The following ANPEP variants were observed in gnomAD, a reference collection of about 807,000 sequenced individuals.
ANPEP encodes alanyl aminopeptidase, membrane, also known as aminopeptidase N.
Under a neutral mutation model 114.6 loss-of-function variants are expected in ANPEP, and 70 were observed. That is an observed-to-expected ratio of 0.61 (90% CI 0.50 to 0.75). ANPEP has a LOEUF of 0.75. Ranked by LOEUF, ANPEP falls within the 30% of genes least tolerant of loss-of-function variation. The probability of loss-of-function intolerance (pLI) is 0.00; values close to 1 mark genes in which losing one functional copy is unlikely to be tolerated. For missense variants in ANPEP, 1,184 were observed against 1,259.5 expected (o/e 0.94, Z 0.91); for synonymous variants, 548 against 522.3 (o/e 1.05, Z -0.67).
intron 12 of ANPEP, among the ~76,000 whole-genome samples, 173 bp downstream of exon 12, chr15:89,800,938 G>A (rs547179651): frequency 3.3e-5 from 5 of 152,288 alleles, no homozygotes; most frequent in Admixed American, 6.5e-5. Context: ...AGACCAGAGC[G>A]GGATGGTAAC....
Position 89,785,202 on chromosome 15 carries a change from G to T in ANPEP, c.*147C>A. On this transcript the variant is annotated 3_prime_UTR_variant, in exon 21 of 21. Coordinates refer to ENST00000300060, the MANE Select transcript of ANPEP (RefSeq NM_001150.3). ...TCATCAGGAACTAGACTGGCTCACAGGCAGAGAGAACGTGGGCTGGAGACT... is the reference window on the plus strand; with the variant it reads ...TCATCAGGAACTAGACTGGCTCACATGCAGAGAGAACGTGGGCTGGAGACT... The T allele has an allele frequency of 9.1e-7, 1 of 1,094,550 alleles. No individual in the cohort carries two copies. Among genetic ancestry groups the T allele is most frequent in the Non-Finnish European group, 1.3e-6 (1 of 760,344 alleles). 67.8% of individuals were successfully genotyped at this position (1,094,550 alleles called of 1,614,324 possible).
intron 11 of ANPEP, 66 bp downstream of exon 11, chr15:89,801,369 T>C (rs1391154805): frequency 3.8e-6 from 6 of 1,585,474 alleles, no homozygotes; most frequent in East Asian, 4.5e-5. Context: ...AGTCCTACTA[T>C]GGTCCCTTAG....
intron 6 of ANPEP, 123 bp from the exon 7 acceptor site, chr15:89,804,125 C>T: frequency 7.1e-6 from 11 of 1,546,506 alleles, no homozygotes; most frequent in Non-Finnish European, 9.7e-6. Context: ...CCATCGTGAC[C>T]CCTTCCTGCT....
chr15:89,789,279 A>G (rs55754818), intron 20 of ANPEP, among the ~76,000 whole-genome samples: 34,300 of 151,826 alleles, frequency 0.23, 4,774 homozygotes, highest in African/African-American at 0.39. Flanking sequence ...CACGCCCAGC[A>G]AATTATATCT....
chr15:89,811,663 A>G (rs1364903287), intron 1 of ANPEP, among the ~76,000 whole-genome samples: 2 of 151,720 alleles, frequency 1.3e-5, no homozygotes, highest in African/African-American at 2.4e-5. Context: ...AAAAAAAAAA[A>G]AAAGAAAAAA....
In ANPEP at chr15:89,803,493, G is replaced by C; in HGVS notation, c.1452C>G (p.Leu484=). 1.2e-6 allele frequency: 2 copies of C among 1,607,504 alleles called. No homozygotes were observed. Among genetic ancestry groups the C allele is most frequent in the South Asian group, 2.2e-5 (2 of 90,496 alleles). ...AISYSKGASV[L]RMLSSFLSED... Reference sequence around the variant, plus strand: ...CGGACAGGAAGCTGGAGAGCATCCTGAGGACTGAGGCGCCCTGGGGTGGGG... The same window carrying C: ...CGGACAGGAAGCTGGAGAGCATCCTCAGGACTGAGGCGCCCTGGGGTGGGG... Residue 484 remains leucine, a synonymous_variant, in exon 9 of 21, where the codon CTC becomes CTG. Transcript: ENST00000300060. This position sits in a 1 kb window ranked among gnomAD's most constrained non-coding sequence, Gnocchi z 4.2.
chr15:89,795,409 G>A (rs1021614960), intron 15 of ANPEP, among the ~76,000 whole-genome samples: 1 of 152,122 alleles, frequency 6.6e-6, no homozygotes, highest in Non-Finnish European at 1.5e-5. Context: ...AAAGTTTAAA[G>A]AAGCAATACA....
intron 11 of ANPEP, 33 bp downstream of exon 11, chr15:89,801,402 C>T (rs763243069): frequency 6.2e-7 from 1 of 1,611,186 alleles, no homozygotes; most frequent in African/African-American, 1.3e-5. Context: ...ACCCCACCCA[C>T]CTGACCATGC....
At position 89,803,683 on chromosome 15, in the gene ANPEP, C is replaced by T. The variant is rs148567888; in HGVS notation, c.1401G>A (p.Gln467=). Residue 467 remains glutamine, a synonymous_variant, in exon 8 of 21, where the codon CAG becomes CAA. Coordinates refer to ENST00000300060, the MANE Select transcript of ANPEP (RefSeq NM_001150.3). The surrounding 1 kb of genome is among the most constrained non-coding windows in gnomAD (Gnocchi z 4.2). The stretch of plus-strand genomic sequence containing the variant: ...AGATGGCGTCAAACAGCTCACTGAT[C>T]TGGGCCGGCGTGTTGATCTCCGAGG... The part of the protein sequence containing the change: ...TPASEINTPA[Q]ISELFDAISY... The T allele has an allele frequency of 4.3e-6, 7 of 1,613,248 alleles. No homozygotes were observed. The Admixed American group carries it at 1.2e-4, about 27-fold the overall frequency.
intron 15 of ANPEP, 57 bp from the exon 16 acceptor site, chr15:89,793,183 C>T: frequency 2.0e-6 from 3 of 1,486,812 alleles, no homozygotes; most frequent in African/African-American, 2.8e-5. Flanking sequence ...TGCCTGGAGC[C>T]CCACAGAGCC....
chr15:89,797,002 C>T (rs555670355), intron 15 of ANPEP, among the ~76,000 whole-genome samples: 1 of 152,184 alleles, frequency 6.6e-6, no homozygotes, highest in Non-Finnish European at 1.5e-5. Context: ...AGAATAAGCT[C>T]GAGTTTCCTT....
At chr15:89,807,434 C>A (rs534296657) in intron 1 of ANPEP, among the ~76,000 whole-genome samples, 1 of 152,220 alleles carries the variant, frequency 6.6e-6, no homozygotes, top group Non-Finnish European at 1.5e-5. Context: ...GGCGTGGTGG[C>A]TCACGCCTGT....
At chr15:89,804,954 A>T in intron 4 of ANPEP, 124 bp downstream of exon 4, 1 of 1,344,056 alleles carries the variant, frequency 7.4e-7, no homozygotes, top group Non-Finnish European at 1.0e-6. Flanking sequence ...GCCTGAAATC[A>T]CTCAGAGGTG....
intron 15 of ANPEP, 65 bp from the exon 16 acceptor site, chr15:89,793,191 G>T: frequency 1.4e-6 from 2 of 1,440,418 alleles, no homozygotes; most frequent in Non-Finnish European, 1.9e-6. Flanking sequence ...GCCCCACAGA[G>T]CCTCTGATGT....
At chr15:89,814,537 C>A (rs1183897731) in intron 1 of ANPEP, among the ~76,000 whole-genome samples, 1 of 152,184 alleles carries the variant, frequency 6.6e-6, no homozygotes, top group Non-Finnish European at 1.5e-5. Flanking sequence ...CCGACCCCTG[C>A]GAGGCCCGCT....
Position 89,803,620 on chromosome 15 carries a change from C to G in ANPEP, c.1437+27G>C, listed in dbSNP as rs1567160255. The G allele has an allele frequency of 1.9e-6, 3 of 1,605,364 alleles. No homozygotes were observed. The highest frequency in any genetic ancestry group is 1.7e-6 in the Non-Finnish European group (2 of 1,175,060). ...CCAGGCCAAGTCCCCACCTCCTTCCCCGTGCCCCACGAGGAGCGGGCTGCA... is the reference window on the plus strand; with the variant it reads ...CCAGGCCAAGTCCCCACCTCCTTCCGCGTGCCCCACGAGGAGCGGGCTGCA... On this transcript the variant is annotated intron_variant, in intron 8 of 20. Transcript: ENST00000300060. This position sits in a 1 kb window ranked among gnomAD's most constrained non-coding sequence, Gnocchi z 4.2.
At chr15:89,811,442 C>T (rs1316726623) in intron 1 of ANPEP, among the ~76,000 whole-genome samples, 1 of 151,710 alleles carries the variant, frequency 6.6e-6, no homozygotes, top group Non-Finnish European at 1.5e-5. Flanking sequence ...GTCAGCAGAT[C>T]GAGACCATCC....
intron 16 of ANPEP, 120 bp downstream of exon 16, chr15:89,792,915 G>A (rs550759110): frequency 3.4e-6 from 3 of 881,540 alleles, no homozygotes; most frequent in Non-Finnish European, 5.5e-6. Flanking sequence ...CTCCTGGGTG[G>A]GGGTCTCTCC....
At position 89,792,081 on chromosome 15, in the gene ANPEP, T is replaced by C. The variant is rs561263993; in HGVS notation, c.2528+79A>G. 7 of 1,506,538 alleles carry C rather than the reference T, an allele frequency of 4.6e-6. No individual in the cohort carries two copies. In the South Asian group the frequency reaches 7.6e-5, roughly 16 times the overall value. The allele number at this position is 1,506,538 out of a possible 1,614,324, so 93.3% of individuals were successfully genotyped here. ...GTCTGTGGGGGTCACGTGAAGGATC[T>C]GGCGAGGAGTGTGGAGGCCTGCCTG... On this transcript the variant is annotated intron_variant, in intron 18 of 20. Coordinates refer to ENST00000300060, the MANE Select transcript of ANPEP (RefSeq NM_001150.3).
Sources: gnomAD v4.1 joint callset for allele counts (sites outside exome capture counted in the v4.1 genomes callset) on GRCh38, gnomAD v4.1.1 for gene constraint, Gnocchi (gnomAD v3.1) non-coding constraint, MANE v1.5 for transcripts, NCBI Gene and HGNC (gene_info 2026-07-23, HGNC 2026-07-21) for gene names.